CCDC33: variants seen among roughly 807,000 people sequenced by gnomAD.
CCDC33 encodes coiled-coil domain-containing protein 33.
CCDC33 carries 94 observed loss-of-function variants against 91.9 expected under a neutral mutation model. The observed-to-expected ratio is 1.02, with a 90% CI of 0.87 to 1.21. The LOEUF is 1.21. Among genes scored for constraint, CCDC33 ranks in the 50% most tolerant of loss-of-function variants. The pLI, the probability that CCDC33 is intolerant of heterozygous loss-of-function variation, is 0.00. For missense variants in CCDC33, 940 were observed against 935.5 expected (o/e 1.00, Z -0.06); for synonymous variants, 396 against 374.5 (o/e 1.06, Z -0.66).
At chr15:74,292,941 C>T (rs1014454427) in intron 10 of CCDC33, among the ~76,000 whole-genome samples, 5 of 152,132 alleles carry the variant, frequency 3.3e-5, no homozygotes, top group Non-Finnish European at 5.9e-5. Flanking sequence ...TTGTTCCCAC[C>T]TTTATTTTAG....
At chr15:74,256,395 C>T (rs149873503) in intron 2 of CCDC33, among the ~76,000 whole-genome samples, 2 of 149,482 alleles carry the variant, frequency 1.3e-5, no homozygotes, top group Non-Finnish European at 3.0e-5. Flanking sequence ...CACGTTCCTC[C>T]TGCCCTAAGG....
In CCDC33 at chr15:74,272,858, C is replaced by T. The variant is rs763314453; in HGVS notation, c.726C>T (p.Asp242=). The T allele has an allele frequency of 8.1e-6, 13 of 1,614,122 alleles. No individual in the cohort carries two copies. Among genetic ancestry groups the T allele is most frequent in the Middle Eastern group, 1.6e-4 (1 of 6,084 alleles). Residue 242 remains aspartate, a synonymous_variant, in exon 7 of 19, where the codon GAC becomes GAT. Transcript: ENST00000398814. ...CTATCCCGTCCATGATGAACTTTGA[C>T]GTGCCTCGCGTCAGCCAGAACGGAT... ...SFPIPSMMNF[D]VPRVSQNGCP...
At chr15:74,251,708 G>A (rs1264320557) in intron 2 of CCDC33, among the ~76,000 whole-genome samples, 1 of 152,062 alleles carries the variant, frequency 6.6e-6, no homozygotes, top group Non-Finnish European at 1.5e-5. Context: ...TGAGAGCCCT[G>A]ACCCTGGCCC....
intron 2 of CCDC33, among the ~76,000 whole-genome samples, chr15:74,258,364 C>T (rs551031687): frequency 2.2e-4 from 34 of 152,328 alleles, no homozygotes; most frequent in Middle Eastern, 3.4e-3. Flanking sequence ...CTGGGATTGG[C>T]ACTCAAAACA....
chr15:74,280,622 G>T, intron 8 of CCDC33, 46 bp from the exon 9 acceptor site: 1 of 1,432,838 alleles, frequency 7.0e-7, no homozygotes, highest in Admixed American at 2.7e-5. Flanking sequence ...GGATGGGGCC[G>T]AGGTGGGGGC....
At chr15:74,302,217 C>T (rs2059809118) in intron 11 of CCDC33, 1 of 152,282 alleles carries the variant, frequency 6.6e-6, no homozygotes, top group Non-Finnish European at 1.5e-5. Flanking sequence ...TCTAAATCCC[C>T]TTCCCCAGCT....
chr15:74,273,271 A>G (rs1322303088), intron 7 of CCDC33, among the ~76,000 whole-genome samples: 1 of 152,232 alleles, frequency 6.6e-6, no homozygotes, highest in Non-Finnish European at 1.5e-5. Context: ...CAGTGGCTAC[A>G]GGGGCTGGGG....
chr15:74,328,626 C>G (rs2060359384), intron 11 of CCDC33, among the ~76,000 whole-genome samples: 1 of 152,228 alleles, frequency 6.6e-6, no homozygotes. Context: ...AGAGATGAAC[C>G]TGGCACTGGT....
chr15:74,237,301 C>A (rs2075195703), intron 1 of CCDC33, among the ~76,000 whole-genome samples: 1 of 152,232 alleles, frequency 6.6e-6, no homozygotes, highest in Non-Finnish European at 1.5e-5. Context: ...TGTGGCCCAG[C>A]AGCAGGGCTC....
intron 2 of CCDC33, among the ~76,000 whole-genome samples, chr15:74,255,667 C>T (rs554368338): frequency 1.2e-4 from 18 of 152,356 alleles, no homozygotes; most frequent in South Asian, 4.1e-4. Flanking sequence ...AACCAGACCT[C>T]GATCCCTCCA....
At chr15:74,315,369 G>A (rs1240606428) in intron 11 of CCDC33, among the ~76,000 whole-genome samples, 1 of 152,224 alleles carries the variant, frequency 6.6e-6, no homozygotes, top group African/African-American at 2.4e-5. Flanking sequence ...GCCAAGGCCA[G>A]TTGAGGACAG....
At chr15:74,228,586 G>A (rs1229701838) in intron 2 of CCDC33, among the ~76,000 whole-genome samples, 2 of 152,224 alleles carry the variant, frequency 1.3e-5, no homozygotes, top group Non-Finnish European at 2.9e-5. Flanking sequence ...GAGGGGCTGG[G>A]CCATGGGGCC....
chr15:74,221,221 T>G (rs2074585337), intron 2 of CCDC33: 2 of 798,550 alleles, frequency 2.5e-6, no homozygotes, highest in Non-Finnish European at 3.0e-6. Context: ...CACTGGTTTT[T>G]TTTTTTTTTT....
intron 2 of CCDC33, 36 bp from the exon 3 acceptor site, chr15:74,262,404 C>T (rs2142374660): frequency 6.2e-7 from 1 of 1,611,948 alleles, no homozygotes; most frequent in South Asian, 1.1e-5. Flanking sequence ...AGACAGAACC[C>T]CTCCCTTTGA....
chr15:74,243,769 A>G (rs1172736415), intron 1 of CCDC33: 1 of 587,796 alleles, frequency 1.7e-6, no homozygotes. Flanking sequence ...CCATGGGGAA[A>G]TCCCGTCTCT....
intron 11 of CCDC33, among the ~76,000 whole-genome samples, chr15:74,313,925 C>A (rs2060041395): frequency 6.6e-6 from 1 of 152,166 alleles, no homozygotes; most frequent in South Asian, 2.1e-4. Flanking sequence ...CATGACTGAA[C>A]CCTGCAGCCG....
chr15:74,333,014 C>A (rs1438594309), intron 16 of CCDC33, 169 bp downstream of exon 16: 1 of 807,278 alleles, frequency 1.2e-6, no homozygotes. Context: ...TTTTCTCCTG[C>A]GGAATGTGTG....
intron 7 of CCDC33, among the ~76,000 whole-genome samples, chr15:74,274,168 G>A (rs79341702): frequency 0.035 from 5,336 of 152,344 alleles, 129 homozygotes; most frequent in Middle Eastern, 0.11. Context: ...GGTTGGTACA[G>A]GTTGGACACA....
At position 74,280,806 on chromosome 15, in the gene CCDC33, G is replaced by A. The variant is rs2059346013; in HGVS notation, c.1023+5G>A. The A allele has an allele frequency of 2.7e-6, 4 of 1,500,714 alleles. No homozygotes were observed. Among genetic ancestry groups the A allele is most frequent in the Non-Finnish European group, 3.6e-6 (4 of 1,123,372 alleles). The allele number at this position is 1,500,714 out of a possible 1,614,324, so 93.0% of individuals were successfully genotyped here. A position where few individuals can be genotyped will look rare whatever the true frequency, so the allele number is the denominator to read the frequency against. ...GTGGAGCGGCTCCCCATCATGGTGAGCCCCCTGCCCTGAACTGGGCCCCTA... is the reference window on the plus strand; with the variant it reads ...GTGGAGCGGCTCCCCATCATGGTGAACCCCCTGCCCTGAACTGGGCCCCTA... On this transcript the variant is annotated splice_donor_5th_base_variant and intron_variant, in intron 9 of 18. Coordinates refer to ENST00000398814, the MANE Select transcript of CCDC33 (RefSeq NM_025055.5).
Sources: allele counts gnomAD v4.1 joint callset (sites outside exome capture counted in the v4.1 genomes callset), GRCh38; gene constraint gnomAD v4.1.1; transcripts MANE v1.5; gene names NCBI Gene and HGNC (gene_info 2026-07-23, HGNC 2026-07-21).